The following TEX101 variants were observed in gnomAD, a reference collection of about 807,000 sequenced individuals.
TEX101 encodes the protein testis-expressed protein 101.
TEX101 carries 10 observed loss-of-function variants against 18.1 expected under a neutral mutation model. The ratio of observed to expected loss-of-function variants is 0.55; its 90% confidence interval spans 0.34 to 0.94. TEX101 has a LOEUF of 0.94. TEX101 is among the 40% of genes least tolerant of loss of function. TEX101 has a pLI of 0.02. For missense variants in TEX101, 259 were observed against 298.9 expected (o/e 0.87, Z 0.98); for synonymous variants, 94 against 114.8 (o/e 0.82, Z 1.16).
the TEX101 span, among the ~76,000 whole-genome samples, chr19:43,388,833 GA>G: frequency 6.6e-5 from 10 of 152,146 alleles, no homozygotes; most frequent in Admixed American, 1.3e-4. Flanking sequence ...CTATGGATGT[GA>G]GGGGGGTTTC....
chr19:43,418,576 C>A lies in TEX101; in HGVS notation c.*179C>A. The A allele has an allele frequency of 1.7e-6, 1 of 583,734 alleles. No individual in the cohort carries two copies. Among genetic ancestry groups the A allele is most frequent in the Non-Finnish European group, 3.0e-6 (1 of 334,134 alleles). 36.2% of individuals were successfully genotyped at this position (583,734 alleles called of 1,614,324 possible). A position where few individuals can be genotyped will look rare whatever the true frequency, so the allele number is the denominator to read the frequency against. On this transcript the variant is annotated 3_prime_UTR_variant, in exon 6 of 6. Coordinates refer to ENST00000598265, the MANE Select transcript of TEX101 (RefSeq NM_001130011.3). ...TAATTTTTGTATGCAGTAGGCGTTA[C>A]TAATAAACATTTCTGCTGTGATTTG...
At chr19:43,394,208 G>T in the TEX101 span, among the ~76,000 whole-genome samples, 6 of 151,544 alleles carry the variant, frequency 4.0e-5, no homozygotes, top group Non-Finnish European at 7.4e-5. Flanking sequence ...TAAAGAAATT[G>T]TAAACCTTTG....
upstream of TEX101, among the ~76,000 whole-genome samples, chr19:43,400,266 G>A (rs1014650665): frequency 6.6e-6 from 1 of 152,300 alleles, no homozygotes; most frequent in South Asian, 2.1e-4. Context: ...TTTTTGTGGG[G>A]AGTGGTATTT....
upstream of TEX101, among the ~76,000 whole-genome samples, chr19:43,412,898 C>A (rs1042163284): frequency 3.3e-5 from 5 of 152,114 alleles, no homozygotes; most frequent in African/African-American, 1.2e-4. Context: ...CCCTCCTCCC[C>A]CGACCTTGCC....
At chr19:43,410,821 C>G (rs1368406403), upstream of TEX101, among the ~76,000 whole-genome samples, 1 of 151,744 alleles carries the variant, frequency 6.6e-6, no homozygotes, top group Non-Finnish European at 1.5e-5. Context: ...CATGCACTCA[C>G]AGTCACACAT....
chr19:43,389,965 G>T, the TEX101 span, among the ~76,000 whole-genome samples: 1 of 152,120 alleles, frequency 6.6e-6, no homozygotes, highest in Non-Finnish European at 1.5e-5. Context: ...CTTCTTCTCT[G>T]TGGCAGAGAT....
chr19:43,413,566 G>A (rs1276910218), upstream of TEX101, among the ~76,000 whole-genome samples: 1 of 151,800 alleles, frequency 6.6e-6, no homozygotes, highest in East Asian at 2.0e-4. Context: ...GTCTGCTGAG[G>A]CTCCCGGCCA....
upstream of TEX101, among the ~76,000 whole-genome samples, chr19:43,413,843 C>G (rs2122341593): frequency 6.6e-6 from 1 of 151,992 alleles, no homozygotes; most frequent in East Asian, 2.0e-4. Flanking sequence ...ATCCTAGCTG[C>G]TCAGGGGAGA....
the TEX101 span, among the ~76,000 whole-genome samples, chr19:43,395,324 G>A: frequency 2.0e-5 from 3 of 152,204 alleles, no homozygotes; most frequent in Non-Finnish European, 2.9e-5. Context: ...GATTCTCAAA[G>A]GCCTTAAGCT....
the TEX101 span, among the ~76,000 whole-genome samples, chr19:43,392,478 A>G: frequency 6.6e-6 from 1 of 152,088 alleles, no homozygotes; most frequent in Non-Finnish European, 1.5e-5. Context: ...CAGCAGAGAC[A>G]CCTCACTTAC....
chr19:43,409,333 G>C (rs992600027), intron 3 of TEX101, among the ~76,000 whole-genome samples: 2 of 152,174 alleles, frequency 1.3e-5, no homozygotes, highest in Non-Finnish European at 2.9e-5. Flanking sequence ...GCAGGTTACA[G>C]ACTGTTTACA....
chr19:43,418,315 G>C lies in TEX101; in HGVS notation c.668G>C (p.Gly223Ala), dbSNP rs1325509324. The change falls in exon 6 of 6, where the codon GGG (glycine) becomes GCG (alanine). Residue 223 changes from glycine (G) to alanine (A), a missense_variant. Physicochemically the swap from Gly to Ala is moderately conservative, Grantham distance 60. Transcript: ENST00000598265. ...LLTQPRKTEN[G>A]ATCLPIPVWG... ...ACTCAACCTCGAAAGACTGAAAATG[G>C]GGCCACCTGTCTTCCCATTCCTGTT... is the stretch of plus-strand genomic sequence containing the variant. The C allele has an allele frequency of 1.2e-6, 2 of 1,614,026 alleles. No individual in the cohort carries two copies. The highest frequency in any genetic ancestry group is 3.3e-5 in the Admixed American group (2 of 59,990).
intron 3 of TEX101, among the ~76,000 whole-genome samples, chr19:43,408,093 C>T (rs1970385541): frequency 6.6e-6 from 1 of 152,236 alleles, no homozygotes; most frequent in African/African-American, 2.4e-5. Context: ...CATACCCCCA[C>T]CCCGGCCTCT....
upstream of TEX101, among the ~76,000 whole-genome samples, chr19:43,397,337 C>T (rs118061383): frequency 0.017 from 2,585 of 152,178 alleles, 34 homozygotes; most frequent in Non-Finnish European, 0.026. Flanking sequence ...CTGTCCTGTG[C>T]CTGGGGTGTC....
At chr19:43,411,296 C>T (rs937151314), upstream of TEX101, among the ~76,000 whole-genome samples, 8 of 152,040 alleles carry the variant, frequency 5.3e-5, no homozygotes, top group Non-Finnish European at 1.0e-4. Flanking sequence ...AGGCTGGTCT[C>T]GAACTCCTGA....
the TEX101 span, among the ~76,000 whole-genome samples, chr19:43,391,621 A>G: frequency 1.5e-4 from 23 of 152,072 alleles, no homozygotes; most frequent in African/African-American, 4.6e-4. Context: ...TTTTCTCACT[A>G]TACGGTGTAT....
upstream of TEX101, among the ~76,000 whole-genome samples, chr19:43,400,942 GTTTA>G (rs1253398772): frequency 2.0e-5 from 3 of 151,834 alleles, no homozygotes; most frequent in Admixed American, 6.6e-5. Flanking sequence ...TATTTTAAAA[GTTTA>G]TTTGTCTTTT....
chr19:43,412,297 C>G (rs1011655252), upstream of TEX101, among the ~76,000 whole-genome samples: 1 of 152,080 alleles, frequency 6.6e-6, no homozygotes, highest in Admixed American at 6.6e-5. Context: ...AGGTGCCACA[C>G]ACTTAAACAA....
chr19:43,415,091 G>A (rs1970458472), intron 1 of TEX101, 53 bp downstream of exon 1: 1 of 983,300 alleles, frequency 1.0e-6, no homozygotes, highest in African/African-American at 1.7e-5. Context: ...CGAGGGTTGG[G>A]GGCCTGGGCT....
Sources: allele counts gnomAD v4.1 joint callset (sites outside exome capture counted in the v4.1 genomes callset), GRCh38; gene constraint gnomAD v4.1.1; transcripts MANE v1.5; gene names NCBI Gene and HGNC (gene_info 2026-07-23, HGNC 2026-07-21).